The following PTPRR variants were observed in gnomAD, a reference collection of about 807,000 sequenced individuals.
PTPRR encodes the protein receptor-type tyrosine-protein phosphatase R.
Under a neutral mutation model 77.2 loss-of-function variants are expected in PTPRR, and 38 were observed. That is an observed-to-expected ratio of 0.49 (90% confidence interval 0.38 to 0.65). The LOEUF (loss-of-function observed/expected upper bound fraction) is 0.65. Among genes scored for constraint, PTPRR ranks in the 30% least tolerant of loss-of-function variants. PTPRR has a pLI of 0.00. For missense variants in PTPRR, 744 were observed against 799.2 expected (o/e 0.93, Z 0.83); for synonymous variants, 299 against 283.1 (o/e 1.06, Z -0.57).
chr12:70,885,538 T>C (rs1421834762), intron 2 of PTPRR, among the ~76,000 whole-genome samples: 1 of 150,798 alleles, frequency 6.6e-6, no homozygotes, highest in Non-Finnish European at 1.5e-5. Context: ...TTAAGGATTT[T>C]TTTTTTTTTT....
At chr12:70,766,109 C>T (rs1458813566) in intron 2 of PTPRR, among the ~76,000 whole-genome samples, 2 of 152,194 alleles carry the variant, frequency 1.3e-5, no homozygotes, top group Non-Finnish European at 2.9e-5. Flanking sequence ...CAGAGCGCCT[C>T]TCCTCCTCCA....
At chr12:70,787,011 T>C (rs1891337195) in intron 2 of PTPRR, among the ~76,000 whole-genome samples, 1 of 152,174 alleles carries the variant, frequency 6.6e-6, no homozygotes, top group South Asian at 2.1e-4. Context: ...ACAATAAGCA[T>C]ATAATTTTCC....
rs1056103404 is a variant in PTPRR, at chr12:70,638,285, T to C, written c.*899A>G. The C allele has an allele frequency of 3.9e-5, 6 of 152,448 alleles. No individual in the cohort carries two copies. Among genetic ancestry groups the C allele is most frequent in the African/African-American group, 1.4e-4 (6 of 41,450 alleles). The allele number at this position is 152,448 out of a possible 1,614,324, so 9.4% of individuals were successfully genotyped here. A position where few individuals can be genotyped will look rare whatever the true frequency, so the allele number is the denominator to read the frequency against. On this transcript the variant is annotated 3_prime_UTR_variant, in exon 14 of 14. Coordinates refer to ENST00000283228, the MANE Select transcript of PTPRR (RefSeq NM_002849.4). The stretch of plus-strand genomic sequence containing the variant: ...TCGAAAATGGGACAGATTATATCAT[T>C]CCTGAAGGCATATACCTTTTGTTGA...
chr12:70,698,748 A>T (rs1888321765), intron 7 of PTPRR, among the ~76,000 whole-genome samples: 1 of 152,144 alleles, frequency 6.6e-6, no homozygotes, highest in Non-Finnish European at 1.5e-5. Context: ...ACTATAATAG[A>T]TTATCTTTTC....
At chr12:70,755,630 C>A (rs2136952008) in intron 4 of PTPRR, among the ~76,000 whole-genome samples, 1 of 152,172 alleles carries the variant, frequency 6.6e-6, no homozygotes, top group East Asian at 1.9e-4. Context: ...GCGATGTGCT[C>A]ACTAATTATA....
intron 2 of PTPRR, among the ~76,000 whole-genome samples, chr12:70,853,783 C>T (rs1382998908): frequency 2.6e-5 from 4 of 152,126 alleles, no homozygotes; most frequent in Non-Finnish European, 4.4e-5. Flanking sequence ...CTCCGCCTCC[C>T]GCAAAATGAA....
At chr12:70,767,669 T>C (rs1335008891) in intron 2 of PTPRR, among the ~76,000 whole-genome samples, 9 of 152,166 alleles carry the variant, frequency 5.9e-5, no homozygotes, top group Middle Eastern at 3.2e-3. Flanking sequence ...GCAGACCTAA[T>C]AGACATCTAC....
At position 70,852,224 on chromosome 12, in the gene PTPRR, A is replaced by T. The variant is rs368030583; in HGVS notation, c.357+40455T>A. 5.3e-5 allele frequency among the ~76,000 whole-genome samples: 8 copies of T among 152,292 alleles called. No homozygotes were observed. In the South Asian group the frequency reaches 1.7e-3, roughly 32 times the overall value. Reference sequence around the variant, plus strand: ...AAATACGAGAACTAGGAAGATGTAAAGGGTTGGAAAAATGAATCAGGGACA... The same window carrying T: ...AAATACGAGAACTAGGAAGATGTAATGGGTTGGAAAAATGAATCAGGGACA... On this transcript the variant is annotated intron_variant, in intron 2 of 13. Transcript: ENST00000283228.
chr12:70,641,403 T>C (rs562408644), intron 13 of PTPRR, among the ~76,000 whole-genome samples: 1 of 152,356 alleles, frequency 6.6e-6, no homozygotes, highest in South Asian at 2.1e-4. Context: ...GTCCAACTGG[T>C]GAATGAATGG....
chr12:70,681,088 A>G (rs918444871), intron 10 of PTPRR, among the ~76,000 whole-genome samples: 2 of 152,150 alleles, frequency 1.3e-5, no homozygotes, highest in Non-Finnish European at 2.9e-5. Flanking sequence ...TGCAGTCACT[A>G]GGATGTGAAA....
chr12:70,656,959 C>A, intron 12 of PTPRR, 142 bp from the exon 13 acceptor site: 1 of 317,498 alleles, frequency 3.1e-6, no homozygotes, highest in Non-Finnish European at 5.7e-6. Context: ...TGGCCCTGTG[C>A]TAAGTGCTTA....
intron 2 of PTPRR, among the ~76,000 whole-genome samples, chr12:70,855,649 T>C (rs1445092707): frequency 1.3e-5 from 2 of 152,300 alleles, no homozygotes; most frequent in African/African-American, 2.4e-5. Context: ...CTATGCCATA[T>C]ATAAAAAGAT....
At chr12:70,831,401 G>T (rs1233625663) in intron 2 of PTPRR, among the ~76,000 whole-genome samples, 1 of 152,108 alleles carries the variant, frequency 6.6e-6, no homozygotes, top group Non-Finnish European at 1.5e-5. Context: ...CTAGGTAAAG[G>T]CTCAGTTAAG....
rs528609561 is a variant in PTPRR, at chr12:70,874,882, A to G, written c.357+17797T>C. On this transcript the variant is annotated intron_variant, in intron 2 of 13. Transcript: ENST00000283228. ...GGTTGCAGTTAGCGGAGATCGGGCC[A>G]CTGCACTCCAGCCCAGTGACAGAGT... Among the ~76,000 whole-genome samples, 9 of 138,364 alleles carry G rather than the reference A, an allele frequency of 6.5e-5. No individual in the cohort carries two copies. In the East Asian group the frequency reaches 1.9e-3, roughly 30 times the overall value. The allele number at this position is 138,364 out of a possible 152,430, so 90.8% of individuals were successfully genotyped here.
chr12:70,913,380 C>A (rs1208322833), intron 1 of PTPRR, among the ~76,000 whole-genome samples: 3 of 152,030 alleles, frequency 2.0e-5, no homozygotes, highest in African/African-American at 7.2e-5. Flanking sequence ...TTATTGAAGC[C>A]ACTGTCTCAC....
intron 2 of PTPRR, among the ~76,000 whole-genome samples, chr12:70,869,141 A>G (rs1410441062): frequency 6.6e-6 from 1 of 151,932 alleles, no homozygotes; most frequent in Admixed American, 6.6e-5. Flanking sequence ...ATATGTAACA[A>G]ACCTGCACAT....
chr12:70,771,772 C>T (rs1890983632), intron 2 of PTPRR, among the ~76,000 whole-genome samples: 1 of 152,074 alleles, frequency 6.6e-6, no homozygotes. Context: ...GAGAAAGATG[C>T]TGTGTAAGTT....
chr12:70,685,739 A>G (rs985565191), intron 8 of PTPRR, among the ~76,000 whole-genome samples: 1 of 152,154 alleles, frequency 6.6e-6, no homozygotes, highest in African/African-American at 2.4e-5. Context: ...AACAAACAAC[A>G]TACATTTATT....
chr12:70,902,128 C>T (rs1349890179), intron 1 of PTPRR, among the ~76,000 whole-genome samples: 11 of 151,984 alleles, frequency 7.2e-5, no homozygotes, highest in East Asian at 1.9e-4. Flanking sequence ...CCACCTTACT[C>T]GTGCAAGAAT....
Sources: gnomAD v4.1 joint callset for allele counts (sites outside exome capture counted in the v4.1 genomes callset) on GRCh38, gnomAD v4.1.1 for gene constraint, MANE v1.5 for transcripts, NCBI Gene and HGNC (gene_info 2026-07-23, HGNC 2026-07-21) for gene names.